Variants in CYTH3 observed in about 807,000 individuals in gnomAD.
CYTH3 encodes cytohesin-3.
A neutral mutation model predicts 55.1 loss-of-function variants in CYTH3; 23 were observed. That is an observed-to-expected ratio of 0.42 (90% confidence interval 0.30 to 0.59). The LOEUF (loss-of-function observed/expected upper bound fraction) is 0.59, where lower values mean the gene tolerates loss of function less well. Ranked by LOEUF, CYTH3 falls within the 20% of genes least tolerant of loss-of-function variation. The probability of loss-of-function intolerance (pLI) is 0.20; values close to 1 mark genes in which losing one functional copy is unlikely to be tolerated. For synonymous variants in CYTH3, 249 were observed against 194.9 expected, an observed-to-expected ratio of 1.28 and a Z score of -2.31; for missense variants, 413 against 524.8, an observed-to-expected ratio of 0.79 and a Z score of 2.08.
chr7:6,170,335 G>C lies in CYTH3; in HGVS notation c.823+200C>G, dbSNP rs899310577. ...AGCCTGGGCGCTACTCTCTGCCGCG[G>C]GCATGGCTCTGAGGCCCCGGCTCGG... On this transcript the variant is annotated intron_variant, in intron 9 of 12. Coordinates refer to ENST00000350796, the MANE Select transcript of CYTH3 (RefSeq NM_004227.4). This position sits in a 1 kb window ranked among gnomAD's most constrained non-coding sequence, Gnocchi z 7.8. 5 of 587,594 alleles carry C rather than the reference G, an allele frequency of 8.5e-6. No homozygotes were observed. The highest frequency in any genetic ancestry group is 1.5e-5 in the Non-Finnish European group (5 of 334,706). The allele number at this position is 587,594 out of a possible 1,614,324, so 36.4% of individuals were successfully genotyped here.
chr7:6,212,987 T>C (rs762714145), intron 1 of CYTH3, among the ~76,000 whole-genome samples: 6 of 152,244 alleles, frequency 3.9e-5, no homozygotes, highest in African/African-American at 9.6e-5. Flanking sequence ...TCATCTTTAA[T>C]AGGGATAACA....
intron 1 of CYTH3, among the ~76,000 whole-genome samples, chr7:6,249,614 C>A (rs1343465500): frequency 6.6e-6 from 1 of 152,260 alleles, no homozygotes; most frequent in Non-Finnish European, 1.5e-5. Flanking sequence ...TCTAAACCCT[C>A]CTTCTGTTTT....
chr7:6,247,871 T>C (rs1779861558), intron 1 of CYTH3, among the ~76,000 whole-genome samples: 1 of 151,982 alleles, frequency 6.6e-6, no homozygotes, highest in African/African-American at 2.4e-5. Flanking sequence ...CAGGCTGGTC[T>C]CGAACTCCTG....
intron 1 of CYTH3, among the ~76,000 whole-genome samples, chr7:6,213,918 A>G (rs927289375): frequency 6.6e-6 from 1 of 152,126 alleles, no homozygotes; most frequent in African/African-American, 2.4e-5. Flanking sequence ...CACATAACGC[A>G]TCAGAGCACA....
chr7:6,191,744 A>T (rs1301059855), intron 1 of CYTH3, among the ~76,000 whole-genome samples: 1 of 152,066 alleles, frequency 6.6e-6, no homozygotes, highest in Non-Finnish European at 1.5e-5. Context: ...ACAAAATATA[A>T]ATCACAAAGG....
At chr7:6,261,068 G>A (rs7790267) in intron 1 of CYTH3, among the ~76,000 whole-genome samples, 4,954 of 152,266 alleles carry the variant, frequency 0.033, 119 homozygotes, top group Non-Finnish European at 0.043. Context: ...ACTGTTTGAA[G>A]GCATCAGAGA....
intron 1 of CYTH3, among the ~76,000 whole-genome samples, chr7:6,243,569 G>C (rs1003671052): frequency 1.3e-5 from 2 of 152,222 alleles, no homozygotes; most frequent in African/African-American, 4.8e-5. Context: ...GAATCCATAA[G>C]GGGAGGTTCA....
chr7:6,186,603 T>C (rs960016968), intron 4 of CYTH3, among the ~76,000 whole-genome samples: 15 of 152,230 alleles, frequency 9.9e-5, no homozygotes, highest in Admixed American at 2.0e-4. Flanking sequence ...AGTCCTCTTA[T>C]GTGAACCACT....
intron 5 of CYTH3, among the ~76,000 whole-genome samples, chr7:6,175,545 CTTTTTTT>C (rs1177188782): frequency 6.7e-5 from 6 of 89,016 alleles, no homozygotes; most frequent in African/African-American, 9.2e-5. Flanking sequence ...ACACTTTAGT[CTTTTTTT>C]TTTTTTTTTT....
At chr7:6,201,012 G>A (rs1036956322) in intron 1 of CYTH3, among the ~76,000 whole-genome samples, 2 of 152,102 alleles carry the variant, frequency 1.3e-5, no homozygotes, top group Admixed American at 6.5e-5. Context: ...CCTCTACTTC[G>A]GCCTCCCAAA....
At position 6,222,775 on chromosome 7, in the gene CYTH3, C is replaced by CA. The variant is rs546893821; in HGVS notation, c.35-32245dup. Reference sequence around the variant, plus strand: ...AAAAAAAAAACAAAACCCAAAAAAGCAAAAAAAAAACTGAACCAATTTTAT... The same window carrying CA: ...AAAAAAAAAACAAAACCCAAAAAAGCAAAAAAAAAAACTGAACCAATTTTAT... On this transcript the variant is annotated intron_variant, in intron 1 of 12. Coordinates refer to ENST00000350796, the MANE Select transcript of CYTH3 (RefSeq NM_004227.4). Among the ~76,000 whole-genome samples the CA allele has an allele frequency of 6.5e-4, 92 of 142,422 alleles. 1 individual carries two copies. Among genetic ancestry groups the CA allele is most frequent in the African/African-American group, 9.5e-4 (37 of 38,836 alleles). 93.4% of individuals were successfully genotyped at this position (142,422 alleles called of 152,430 possible).
intron 5 of CYTH3, among the ~76,000 whole-genome samples, chr7:6,175,508 ATGC>A (rs1562879153): frequency 7.3e-6 from 1 of 136,776 alleles, no homozygotes; most frequent in South Asian, 2.4e-4. Flanking sequence ...GTGTATCCTT[ATGC>A]CAGTCTTACA....
In CYTH3 at chr7:6,165,596, G is replaced by A; in HGVS notation, c.921C>T (p.Ile307=). The change falls in exon 11 of 13, where the codon ATC becomes ATT. Residue 307 remains isoleucine (I), a synonymous_variant. Coordinates refer to ENST00000350796, the MANE Select transcript of CYTH3 (RefSeq NM_004227.4). ...EYTTDKEPRG[I]IPLENLSIRE... ...TGATGCTGAGGTTTTCCAACGGGAT[G>A]ATTCCCCTGGGCTCCTTATCCTACA... The A allele has an allele frequency of 1.2e-6, 2 of 1,614,116 alleles. No homozygotes were observed. The highest frequency in any genetic ancestry group is 1.7e-6 in the Non-Finnish European group (2 of 1,179,988).
intron 1 of CYTH3, among the ~76,000 whole-genome samples, chr7:6,218,873 C>T (rs1235080782): frequency 3.3e-5 from 5 of 151,866 alleles, no homozygotes; most frequent in South Asian, 2.1e-4. Context: ...GGCGTGGTGG[C>T]GCACACCTGT....
chr7:6,272,446 G>T lies in CYTH3; in HGVS notation c.34+28C>A, dbSNP rs915604188. The T allele has an allele frequency of 3.0e-6, 4 of 1,319,856 alleles. No homozygotes were observed. The African/African-American group carries it at 4.7e-5, about 15-fold the overall frequency. The allele number at this position is 1,319,856 out of a possible 1,614,324, so 81.8% of individuals were successfully genotyped here. On this transcript the variant is annotated intron_variant, in intron 1 of 12. Coordinates refer to ENST00000350796, the MANE Select transcript of CYTH3 (RefSeq NM_004227.4). Reference sequence around the variant, plus strand: ...CCCGGCCCCCGACCCCAGGCCGCCGGCGAGCCCACCACACCTCCGACACTC... The same window carrying T: ...CCCGGCCCCCGACCCCAGGCCGCCGTCGAGCCCACCACACCTCCGACACTC...
chr7:6,170,547 G>A lies in CYTH3; in HGVS notation c.811C>T (p.Leu271Phe). 1.2e-6 allele frequency: 2 copies of A among 1,613,952 alleles called. No individual in the cohort carries two copies. The highest frequency in any genetic ancestry group is 1.7e-6 in the Non-Finnish European group (2 of 1,179,856). ...TFFNPDREGWLLKLGGRVKTW... is the reference protein window; with the variant it reads ...TFFNPDREGWFLKLGGRVKTW... The stretch of plus-strand genomic sequence containing the variant: ...GCCGGCGGCTCACCCAGCTTCAGGA[G>A]CCAGCCCTCGCGGTCGGGGTTGAAG... Residue 271 changes from leucine (L) to phenylalanine (F), a missense_variant, in exon 9 of 13, where the codon CTC becomes TTC. Around this residue, in one of 4 missense-constraint regions of CYTH3, gnomAD observed 156 missense variants for 233.1 expected, o/e 0.67. Transcript: ENST00000350796. The surrounding 1 kb of genome is among the most constrained non-coding windows in gnomAD (Gnocchi z 7.8).
In CYTH3 at chr7:6,170,811, CG is replaced by C. The variant is rs1562876013; in HGVS notation, c.711+18del. On this transcript the variant is annotated intron_variant, in intron 8 of 12. Coordinates refer to ENST00000350796, the MANE Select transcript of CYTH3 (RefSeq NM_004227.4). This position sits in a 1 kb window ranked among gnomAD's most constrained non-coding sequence, Gnocchi z 7.8. ...AAGAGATCCTGCAGACGGCAGCGGC[CG>C]CGGGCCGGGGAGCTCACCCTCAGCA... 9 of 1,602,444 alleles carry C rather than the reference CG, an allele frequency of 5.6e-6. No homozygotes were observed. Among genetic ancestry groups the C allele is most frequent in the Non-Finnish European group, 7.7e-6 (9 of 1,174,342 alleles).
intron 1 of CYTH3, among the ~76,000 whole-genome samples, chr7:6,219,694 G>C (rs572353674): frequency 6.6e-6 from 1 of 152,136 alleles, no homozygotes; most frequent in African/African-American, 2.4e-5. Flanking sequence ...GAAATACAGA[G>C]GAGACCCACA....
intron 6 of CYTH3, chr7:6,172,600 C>T (rs564331670): frequency 3.8e-5 from 25 of 649,444 alleles, no homozygotes; most frequent in Middle Eastern, 7.6e-4. Flanking sequence ...AGGCCCTCTA[C>T]GGGGCTATGC....
Sources: gnomAD v4.1 joint callset for allele counts (sites outside exome capture counted in the v4.1 genomes callset) on GRCh38, gnomAD v4.1.1 for gene constraint, gnomAD v4.1.1 regional missense constraint, Gnocchi (gnomAD v3.1) non-coding constraint, MANE v1.5 for transcripts, NCBI Gene and HGNC (gene_info 2026-07-23, HGNC 2026-07-21) for gene names.